The following ERP44 variants were observed in gnomAD, a reference collection of about 807,000 sequenced individuals.
ERP44 encodes the protein endoplasmic reticulum resident protein 44.
In ERP44, 25 loss-of-function variants were observed where a neutral mutation model predicts 53.4. That is an observed-to-expected ratio of 0.47 (90% CI 0.34 to 0.65). The LOEUF is 0.65. ERP44 is among the 30% of genes least tolerant of loss of function. The pLI, the probability that ERP44 is intolerant of heterozygous loss-of-function variation, is 0.01. For synonymous variants in ERP44, 145 were observed against 161.2 expected (o/e 0.90, Z 0.76); for missense variants, 338 against 493.2 (o/e 0.69, Z 2.98).
intron 4 of ERP44, among the ~76,000 whole-genome samples, chr9:100,024,674 C>T (rs1193790985): frequency 2.0e-5 from 3 of 152,014 alleles, no homozygotes; most frequent in African/African-American, 7.2e-5. Context: ...TAAATACATA[C>T]ACATATATTA....
chr9:100,035,049 A>G (rs1011452099), intron 4 of ERP44, among the ~76,000 whole-genome samples: 3 of 152,202 alleles, frequency 2.0e-5, no homozygotes, highest in African/African-American at 7.2e-5. Context: ...GGACCTCTAC[A>G]TATCATCATA....
chr9:100,052,429 A>G lies in ERP44; in HGVS notation c.274T>C (p.Cys92Arg). ...TTGAGGTACTTACAGTGCTGATCAC[A>G]ATCAACTCTGGCAAACACTACTTGA... ...ENQVVFARVD[C>R]DQHSDIAQRY... The change falls in exon 4 of 12, where the codon TGT becomes CGT. Residue 92 changes from cysteine (C) to arginine (R), a missense_variant. By Grantham distance (180) the Cys-to-Arg change is radical. Around this residue, in one of 3 missense-constraint regions of ERP44, gnomAD observed 224 missense variants for 301.4 expected, o/e 0.74. Transcript: ENST00000262455. 1 of 1,607,162 alleles carries G rather than the reference A, an allele frequency of 6.2e-7. No homozygotes were observed. Among genetic ancestry groups the G allele is most frequent in the Non-Finnish European group, 8.5e-7 (1 of 1,174,730 alleles).
intron 10 of ERP44, among the ~76,000 whole-genome samples, chr9:99,985,294 A>T (rs1830184480): frequency 6.6e-6 from 1 of 152,168 alleles, no homozygotes; most frequent in Admixed American, 6.5e-5. Flanking sequence ...AAAAATTTCC[A>T]TGCTTATCAT....
intron 4 of ERP44, among the ~76,000 whole-genome samples, chr9:100,031,603 TA>T (rs1305263966): frequency 1.3e-5 from 2 of 152,238 alleles, no homozygotes; most frequent in African/African-American, 4.8e-5. Flanking sequence ...CCTTGGAGGT[TA>T]CCTTTGGTAA....
At chr9:100,086,477 G>A (rs1826484455) in intron 1 of ERP44, among the ~76,000 whole-genome samples, 1 of 152,204 alleles carries the variant, frequency 6.6e-6, no homozygotes, top group African/African-American at 2.4e-5. Flanking sequence ...CTTTTCTAAG[G>A]TGCTTTCTCC....
At chr9:100,091,183 C>G (rs1230012541) in intron 1 of ERP44, among the ~76,000 whole-genome samples, 1 of 152,156 alleles carries the variant, frequency 6.6e-6, no homozygotes, top group Non-Finnish European at 1.5e-5. Flanking sequence ...CAATATAATG[C>G]TCAAAGTTCT....
intron 4 of ERP44, among the ~76,000 whole-genome samples, chr9:100,028,382 G>C (rs888629274): frequency 2.6e-5 from 4 of 152,180 alleles, no homozygotes; most frequent in African/African-American, 9.7e-5. Context: ...GACCACCAAG[G>C]AGAATAATGA....
chr9:100,025,502 C>T (rs1312124048), intron 4 of ERP44, among the ~76,000 whole-genome samples: 1 of 151,994 alleles, frequency 6.6e-6, no homozygotes, highest in African/African-American at 2.4e-5. Context: ...ACAACACTGA[C>T]AGAATGAAAG....
intron 1 of ERP44, among the ~76,000 whole-genome samples, chr9:100,089,934 ACT>A (rs1826531910): frequency 6.6e-6 from 1 of 152,172 alleles, no homozygotes; most frequent in Non-Finnish European, 1.5e-5. Flanking sequence ...GACTACTGTA[ACT>A]CTAAAGCAAA....
At chr9:99,999,058 G>A (rs1186859483) in intron 10 of ERP44, 36 of 753,544 alleles carry the variant, frequency 4.8e-5, no homozygotes, top group African/African-American at 1.0e-4. Flanking sequence ...GGCAGGAGGC[G>A]GATGACCGCC....
intron 4 of ERP44, among the ~76,000 whole-genome samples, chr9:100,026,532 G>A (rs1350134157): frequency 6.6e-6 from 1 of 152,154 alleles, no homozygotes; most frequent in East Asian, 1.9e-4. Flanking sequence ...AACACAGATT[G>A]CCAATAAACT....
chr9:100,089,921 G>C (rs1300942946), intron 1 of ERP44, among the ~76,000 whole-genome samples: 3 of 152,160 alleles, frequency 2.0e-5, no homozygotes. Context: ...GTGGATAAGA[G>C]GGGACTACTG....
At chr9:100,076,923 A>G (rs1187153933) in intron 1 of ERP44, among the ~76,000 whole-genome samples, 1 of 152,176 alleles carries the variant, frequency 6.6e-6, no homozygotes. Flanking sequence ...GAGGTTACCC[A>G]TGGGCTCAGC....
At chr9:100,011,028 C>T (rs1830471138) in intron 8 of ERP44, among the ~76,000 whole-genome samples, 1 of 151,894 alleles carries the variant, frequency 6.6e-6, no homozygotes, top group South Asian at 2.1e-4. Context: ...ATGGAAAAGA[C>T]TAACAATTCA....
rs77398792 is a variant in ERP44, at chr9:100,015,926, G to A, written c.762+396C>T. On this transcript the variant is annotated intron_variant, in intron 8 of 11. Transcript: ENST00000262455. The stretch of plus-strand genomic sequence containing the variant: ...TCTGACAGGAGGCAGAGCTCAGGCC[G>A]TAATGCTCTCTCGCTGGGCAGCCCT... Among the ~76,000 whole-genome samples the A allele has an allele frequency of 6.0e-3, 908 of 152,246 alleles. 1 individual carries two copies. Among genetic ancestry groups the A allele is most frequent in the Non-Finnish European group, 9.0e-3 (612 of 68,014 alleles).
intron 3 of ERP44, among the ~76,000 whole-genome samples, chr9:100,054,918 C>T (rs1446958014): frequency 6.6e-6 from 1 of 152,074 alleles, no homozygotes; most frequent in Non-Finnish European, 1.5e-5. Context: ...TCATCTAAAC[C>T]TAATCTTCCA....
chr9:100,005,675 T>G (rs1354611504), intron 10 of ERP44, among the ~76,000 whole-genome samples: 1 of 152,168 alleles, frequency 6.6e-6, no homozygotes, highest in Non-Finnish European at 1.5e-5. Context: ...TCCTAGGTAA[T>G]TTTAGGATTG....
At position 100,098,893 on chromosome 9, in the gene ERP44, AGGTTG is replaced by A; in HGVS notation, c.-58_-54del. ...AGGCGCTGGCGGCTGGGACTGGGCT[AGGTTG>A]GGTTGGGTTAGGAAAGGGCTGGGCT... On this transcript the variant is annotated 5_prime_UTR_variant, in exon 1 of 12. Transcript: ENST00000262455. The A allele has an allele frequency of 2.0e-6, 3 of 1,533,020 alleles. No homozygotes were observed. Among genetic ancestry groups the A allele is most frequent in the Non-Finnish European group, 2.7e-6 (3 of 1,108,560 alleles). The allele number at this position is 1,533,020 out of a possible 1,614,324, so 95.0% of individuals were successfully genotyped here. A position where few individuals can be genotyped will look rare whatever the true frequency, so the allele number is the denominator to read the frequency against.
chr9:100,007,718 A>G, intron 8 of ERP44, 29 bp from the exon 9 acceptor site: 3 of 1,146,996 alleles, frequency 2.6e-6, no homozygotes. Flanking sequence ...AATGAGAATT[A>G]TCAGGCTTCT....
Sources: allele counts gnomAD v4.1 joint callset (sites outside exome capture counted in the v4.1 genomes callset), GRCh38; gene constraint gnomAD v4.1.1; regional missense constraint gnomAD v4.1.1; transcripts MANE v1.5; gene names NCBI Gene and HGNC (gene_info 2026-07-23, HGNC 2026-07-21).